GALNTL6: variants seen among roughly 807,000 people sequenced by gnomAD.
GALNTL6 encodes polypeptide N-acetylgalactosaminyltransferase-like 6.
A neutral mutation model predicts 73.7 loss-of-function variants in GALNTL6; 46 were observed. The ratio of observed to expected loss-of-function variants is 0.62; its 90% confidence interval spans 0.49 to 0.80. The LOEUF (loss-of-function observed/expected upper bound fraction) is 0.80. Ranked by LOEUF, GALNTL6 falls within the 30% of genes least tolerant of loss-of-function variation. The pLI is 0.00. For synonymous variants in GALNTL6, 259 were observed against 263.7 expected (o/e 0.98, Z 0.17); for missense variants, 604 against 755.0 (o/e 0.80, Z 2.34).
At chr4:172,156,225 A>G (rs1284266663) in intron 2 of GALNTL6, among the ~76,000 whole-genome samples, 2 of 151,916 alleles carry the variant, frequency 1.3e-5, no homozygotes, top group Non-Finnish European at 2.9e-5. Flanking sequence ...TTCAGCGGGT[A>G]TGTGTCTCTC....
chr4:172,238,406 G>A (rs1737312315), intron 3 of GALNTL6, among the ~76,000 whole-genome samples: 1 of 152,058 alleles, frequency 6.6e-6, no homozygotes, highest in Non-Finnish European at 1.5e-5. Context: ...CAGCTTGGAT[G>A]TTGCTGGTGT....
At chr4:172,776,322 A>G (rs1739068914) in intron 5 of GALNTL6, among the ~76,000 whole-genome samples, 1 of 152,184 alleles carries the variant, frequency 6.6e-6, no homozygotes, top group Non-Finnish European at 1.5e-5. Flanking sequence ...TGTACTGTGA[A>G]ATAACCACAG....
At chr4:172,813,150 G>A (rs779528942) in intron 6 of GALNTL6, among the ~76,000 whole-genome samples, 50 of 152,236 alleles carry the variant, frequency 3.3e-4, no homozygotes, top group Middle Eastern at 3.4e-3. Flanking sequence ...CAGAAAGCAG[G>A]CCAGTATTTT....
chr4:172,457,311 G>A (rs1286548494), intron 5 of GALNTL6, among the ~76,000 whole-genome samples: 2 of 151,660 alleles, frequency 1.3e-5, no homozygotes, highest in Non-Finnish European at 2.9e-5. Context: ...CAACTAACGG[G>A]CAAAATAACC....
intron 2 of GALNTL6, among the ~76,000 whole-genome samples, chr4:171,990,073 G>A (rs1740290495): frequency 6.6e-6 from 1 of 152,138 alleles, no homozygotes; most frequent in Non-Finnish European, 1.5e-5. Flanking sequence ...AGGAGTGGAG[G>A]CTAAGGAAGA....
intron 4 of GALNTL6, among the ~76,000 whole-genome samples, chr4:172,329,393 G>A (rs940530184): frequency 1.3e-5 from 2 of 152,078 alleles, no homozygotes; most frequent in African/African-American, 4.8e-5. Context: ...TTTTCCATAG[G>A]GCTGCTGCCA....
chr4:172,273,565 G>A (rs1278757270), intron 3 of GALNTL6, among the ~76,000 whole-genome samples: 1 of 152,198 alleles, frequency 6.6e-6, no homozygotes. Context: ...GAAAAGAGAA[G>A]CAGGGTAGGA....
chr4:172,128,261 C>T (rs1244822110), intron 2 of GALNTL6, among the ~76,000 whole-genome samples: 1 of 152,030 alleles, frequency 6.6e-6, no homozygotes, highest in East Asian at 1.9e-4. Flanking sequence ...AGGCTAATTG[C>T]TATATTTTTT....
chr4:172,718,719 A>G (rs1735264035), intron 5 of GALNTL6, among the ~76,000 whole-genome samples: 1 of 151,688 alleles, frequency 6.6e-6, no homozygotes, highest in Non-Finnish European at 1.5e-5. Flanking sequence ...TTTGAAGTCA[A>G]TATGCTAGGC....
At chr4:172,034,218 G>A (rs1741857747) in intron 2 of GALNTL6, among the ~76,000 whole-genome samples, 1 of 152,050 alleles carries the variant, frequency 6.6e-6, no homozygotes, top group South Asian at 2.1e-4. Flanking sequence ...CTGTGCCTGA[G>A]TTCTCAAAGT....
At chr4:172,558,430 T>C (rs914379314) in intron 5 of GALNTL6, among the ~76,000 whole-genome samples, 5 of 152,146 alleles carry the variant, frequency 3.3e-5, no homozygotes, top group Non-Finnish European at 7.4e-5. Context: ...GTCACAAAAG[T>C]GAGCTCTTAG....
intron 5 of GALNTL6, among the ~76,000 whole-genome samples, chr4:172,383,429 T>G (rs759047408): frequency 2.0e-5 from 3 of 152,170 alleles, no homozygotes; most frequent in Admixed American, 6.5e-5. Context: ...TGTATAGACA[T>G]CCAATTGATT....
At chr4:172,398,607 C>T (rs1239534862) in intron 5 of GALNTL6, among the ~76,000 whole-genome samples, 1 of 152,046 alleles carries the variant, frequency 6.6e-6, no homozygotes, top group Non-Finnish European at 1.5e-5. Flanking sequence ...AGTATGTATT[C>T]TTTATTGCAG....
chr4:172,301,407 G>A (rs529142474), intron 3 of GALNTL6, among the ~76,000 whole-genome samples: 4 of 152,242 alleles, frequency 2.6e-5, no homozygotes, highest in South Asian at 2.1e-4. Context: ...TCCATTGCTC[G>A]TGAGGAGCTA....
Position 172,654,988 on chromosome 4 carries a change from G to A in GALNTL6, c.554-154373G>A, listed in dbSNP as rs371452524. Among the ~76,000 whole-genome samples the A allele has an allele frequency of 6.6e-5, 10 of 152,246 alleles. No homozygotes were observed. In the East Asian group the frequency reaches 1.5e-3, roughly 24 times the overall value. On this transcript the variant is annotated intron_variant, in intron 5 of 12. Coordinates refer to ENST00000506823, the MANE Select transcript of GALNTL6 (RefSeq NM_001034845.3). ...TTGAGAGGTTATGCAATTGGCCCAAGTAAAACAGCTAGTAAGGGGCAGAGC... is the reference window on the plus strand; with the variant it reads ...TTGAGAGGTTATGCAATTGGCCCAAATAAAACAGCTAGTAAGGGGCAGAGC...
chr4:172,481,622 T>G (rs1733478215), intron 5 of GALNTL6, among the ~76,000 whole-genome samples: 1 of 152,010 alleles, frequency 6.6e-6, no homozygotes, highest in African/African-American at 2.4e-5. Context: ...AGACACAGAG[T>G]GCTGATTGGT....
chr4:171,961,997 T>C (rs940012639), intron 2 of GALNTL6, among the ~76,000 whole-genome samples: 3 of 152,216 alleles, frequency 2.0e-5, no homozygotes, highest in African/African-American at 7.2e-5. Context: ...AATCGAACAC[T>C]TATTAATCTT....
At chr4:171,850,502 G>A (rs1288027860) in intron 2 of GALNTL6, among the ~76,000 whole-genome samples, 1 of 152,140 alleles carries the variant, frequency 6.6e-6, no homozygotes, top group Non-Finnish European at 1.5e-5. Flanking sequence ...TGCTTATCTC[G>A]AAGCCAGTGC....
intron 2 of GALNTL6, among the ~76,000 whole-genome samples, chr4:171,847,612 C>T (rs1359956679): frequency 2.0e-5 from 3 of 152,150 alleles, no homozygotes; most frequent in East Asian, 1.9e-4. Flanking sequence ...CCCGACACTG[C>T]TTTATCAACT....
Sources: gnomAD v4.1 joint callset for allele counts (sites outside exome capture counted in the v4.1 genomes callset) on GRCh38, gnomAD v4.1.1 for gene constraint, MANE v1.5 for transcripts, NCBI Gene and HGNC (gene_info 2026-07-23, HGNC 2026-07-21) for gene names.